The following NUP98 variants were observed in gnomAD, a reference collection of about 807,000 sequenced individuals.
NUP98 encodes nucleoporin 98 and 96 precursor.
A neutral mutation model predicts 191.9 loss-of-function variants in NUP98; 26 were observed. The ratio of observed to expected loss-of-function variants is 0.14; its 90% CI spans 0.10 to 0.19. The LOEUF (loss-of-function observed/expected upper bound fraction) is 0.19, where lower values mean the gene tolerates loss of function less well. Ranked by LOEUF, NUP98 falls within the 10% of genes least tolerant of loss-of-function variation. The probability of loss-of-function intolerance (pLI) is 1.00; values close to 1 mark genes in which losing one functional copy is unlikely to be tolerated. For synonymous variants in NUP98, 808 were observed against 778.4 expected (o/e 1.04, Z -0.63); for missense variants, 1,941 against 2,178.8 (o/e 0.89, Z 2.17).
chr11:3,759,086 T>C (rs570313573), intron 10 of NUP98, among the ~76,000 whole-genome samples: 28 of 152,112 alleles, frequency 1.8e-4, no homozygotes, highest in Non-Finnish European at 3.7e-4. Context: ...GTTCAAAAGC[T>C]CATTAAAAAA....
chr11:3,769,762 C>T (rs555696103), intron 7 of NUP98, among the ~76,000 whole-genome samples: 17 of 151,560 alleles, frequency 1.1e-4, no homozygotes, highest in African/African-American at 3.1e-4. Flanking sequence ...TAGGGCTGGA[C>T]GGCCAGCCAT....
intron 18 of NUP98, among the ~76,000 whole-genome samples, chr11:3,717,126 C>G (rs748986241): frequency 1.3e-5 from 2 of 152,152 alleles, no homozygotes; most frequent in African/African-American, 4.8e-5. Flanking sequence ...TCCGGAGTAG[C>G]TGGGATTACA....
At chr11:3,750,787 T>C (rs999536818) in intron 11 of NUP98, among the ~76,000 whole-genome samples, 1 of 152,136 alleles carries the variant, frequency 6.6e-6, no homozygotes, top group Non-Finnish European at 1.5e-5. Context: ...TACAGGCACA[T>C]GCCACCATGC....
At chr11:3,698,748 A>AG (rs2078589074) in intron 25 of NUP98, among the ~76,000 whole-genome samples, 2 of 150,336 alleles carry the variant, frequency 1.3e-5, no homozygotes, top group East Asian at 3.9e-4. Flanking sequence ...AAAAAAAAAA[A>AG]AAAGTCATGG....
At chr11:3,685,473 G>A (rs1321444796) in intron 29 of NUP98, among the ~76,000 whole-genome samples, 1 of 152,180 alleles carries the variant, frequency 6.6e-6, no homozygotes, top group Non-Finnish European at 1.5e-5. Flanking sequence ...CTATTTCTGT[G>A]TAATTCCTAA....
chr11:3,758,304 G>C (rs1229851759), intron 10 of NUP98, among the ~76,000 whole-genome samples: 4 of 149,486 alleles, frequency 2.7e-5, no homozygotes, highest in African/African-American at 4.9e-5. Context: ...CTGGGAGACA[G>C]AGCGAGACTC....
rs145186293 is a variant in NUP98, at chr11:3,686,161, T to C, written c.4488A>G (p.Arg1496=). The C allele has an allele frequency of 6.2e-7, 1 of 1,614,254 alleles. No homozygotes were observed. Among genetic ancestry groups the C allele is most frequent in the Non-Finnish European group, 8.5e-7 (1 of 1,180,056 alleles). ...HYDLNQLLEP[R]SITADPLDYR... is the part of the protein sequence containing the mutation. ...AGTCCAAAGGATCTGCTGTTATGCT[T>C]CGAGGCTCCAGCAGCTGGTTGAGAT... is the stretch of plus-strand genomic sequence containing the variant. Residue 1496 remains arginine, a synonymous_variant, in exon 29 of 33, where the codon CGA becomes CGG. Coordinates refer to ENST00000324932, the MANE Select transcript of NUP98 (RefSeq NM_016320.5).
intron 12 of NUP98, among the ~76,000 whole-genome samples, chr11:3,740,565 T>A (rs1182375896): frequency 6.6e-6 from 1 of 151,514 alleles, no homozygotes; most frequent in African/African-American, 2.4e-5. Flanking sequence ...CATATTGCCA[T>A]TCTCCTAATC....
At chr11:3,682,388 C>T (rs2078008724) in intron 30 of NUP98, among the ~76,000 whole-genome samples, 2 of 152,208 alleles carry the variant, frequency 1.3e-5, no homozygotes, top group South Asian at 2.1e-4. Context: ...CACCTAATCA[C>T]TTCAAGCTTT....
chr11:3,732,562 T>C (rs2079888060), intron 13 of NUP98, among the ~76,000 whole-genome samples: 1 of 152,266 alleles, frequency 6.6e-6, no homozygotes, highest in Non-Finnish European at 1.5e-5. Flanking sequence ...TACTAGCTTG[T>C]ATTTATCCAT....
chr11:3,712,102 CG>C, intron 20 of NUP98: 2 of 1,053,012 alleles, frequency 1.9e-6, no homozygotes, highest in Non-Finnish European at 2.3e-6. Context: ...CAAGGTTACC[CG>C]AAGTATAAGC....
chr11:3,760,944 TA>T (rs1363715546), intron 9 of NUP98, among the ~76,000 whole-genome samples: 2 of 152,218 alleles, frequency 1.3e-5, no homozygotes, highest in Non-Finnish European at 2.9e-5. Flanking sequence ...AATATCTTTT[TA>T]CCTGTTAAGA....
At chr11:3,775,024 C>G (rs941115855) in intron 5 of NUP98, among the ~76,000 whole-genome samples, 1 of 152,172 alleles carries the variant, frequency 6.6e-6, no homozygotes, top group Non-Finnish European at 1.5e-5. Flanking sequence ...AAGAATCCCC[C>G]AAACATTTAC....
At chr11:3,761,074 C>T (rs74525661) in intron 9 of NUP98, among the ~76,000 whole-genome samples, 3,424 of 152,214 alleles carry the variant, frequency 0.022, 137 homozygotes, top group African/African-American at 0.078. Context: ...CACAAAAGAC[C>T]ACATATTATG....
intron 6 of NUP98, 136 bp downstream of exon 6, chr11:3,773,496 A>T (rs538157849): frequency 4.1e-6 from 2 of 492,860 alleles, no homozygotes; most frequent in South Asian, 6.8e-5. Flanking sequence ...TTTAAAAATA[A>T]TTTGGTTAAT....
chr11:3,743,825 G>C (rs1485831608), intron 12 of NUP98, among the ~76,000 whole-genome samples: 1 of 151,730 alleles, frequency 6.6e-6, no homozygotes. Context: ...AGGCCGAGGT[G>C]GGCGGATCAC....
intron 31 of NUP98, among the ~76,000 whole-genome samples, chr11:3,679,001 T>C (rs966379947): frequency 6.6e-6 from 1 of 151,608 alleles, no homozygotes; most frequent in African/African-American, 2.4e-5. Context: ...ACACACCCTA[T>C]ACTCCCAGCT....
At chr11:3,771,999 T>G in intron 6 of NUP98, 71 bp from the exon 7 acceptor site, 1 of 1,277,078 alleles carries the variant, frequency 7.8e-7, no homozygotes, top group Admixed American at 2.2e-5. Context: ...GGCTAAATAC[T>G]TGAATTTAGT....
At chr11:3,779,287 A>G (rs762484250) in intron 2 of NUP98, 30 bp from the exon 3 acceptor site, 2 of 1,500,596 alleles carry the variant, frequency 1.3e-6, no homozygotes, top group South Asian at 2.3e-5. Flanking sequence ...AGTAAATTAG[A>G]ATTTAGAATA....
Sources: allele counts gnomAD v4.1 joint callset (sites outside exome capture counted in the v4.1 genomes callset), GRCh38; gene constraint gnomAD v4.1.1; transcripts MANE v1.5; gene names NCBI Gene and HGNC (gene_info 2026-07-23, HGNC 2026-07-21).